Variants in EIF4E2 observed in about 807,000 individuals in gnomAD.
EIF4E2 encodes the protein eukaryotic translation initiation factor 4E family member 2, also known as eukaryotic translation initiation factor 4E type 2.
A neutral mutation model predicts 34.2 loss-of-function variants in EIF4E2; 13 were observed. That is an observed-to-expected ratio of 0.38 (90% CI 0.25 to 0.60). The LOEUF is 0.60. EIF4E2 is among the 20% of genes least tolerant of loss of function. The pLI is 0.62. For synonymous variants in EIF4E2, 100 were observed against 106.6 expected, an observed-to-expected ratio of 0.94 and a Z score of 0.38; for missense variants, 222 against 315.1, an observed-to-expected ratio of 0.70 and a Z score of 2.24.
downstream of EIF4E2, among the ~76,000 whole-genome samples, chr2:232,571,522 A>C (rs1182661426): frequency 6.6e-6 from 1 of 152,200 alleles, no homozygotes; most frequent in Non-Finnish European, 1.5e-5. Context: ...AGTCCCACTG[A>C]TTCCTTTTGT....
intron 6 of EIF4E2, chr2:232,574,287 G>A: frequency 1.3e-6 from 2 of 1,550,542 alleles, no homozygotes; most frequent in Non-Finnish European, 1.7e-6. Flanking sequence ...TTCATGGCCT[G>A]GTGAACAGCA....
intron 6 of EIF4E2, among the ~76,000 whole-genome samples, chr2:232,575,157 A>G (rs1264135942): frequency 6.6e-6 from 1 of 152,230 alleles, no homozygotes; most frequent in Non-Finnish European, 1.5e-5. Context: ...TTGGAACAGA[A>G]CATGTCAACT....
At chr2:232,559,237 T>C (rs1473377500) in intron 3 of EIF4E2, among the ~76,000 whole-genome samples, 4 of 135,072 alleles carry the variant, frequency 3.0e-5, no homozygotes, top group African/African-American at 5.9e-5. Context: ...AAAAAAAGAA[T>C]GATTCAGTGT....
In EIF4E2 at chr2:232,564,299, C is replaced by G; in HGVS notation, c.323C>G (p.Thr108Arg). ...YSHMVRPGDL[T>R]GHSDFHLFKE... is the part of the protein sequence containing the mutation. ...CACATGGTACGTCCTGGGGACCTGACAGGCCACAGTGACTTCCATCTCTTC... is the reference window on the plus strand; with the variant it reads ...CACATGGTACGTCCTGGGGACCTGAGAGGCCACAGTGACTTCCATCTCTTC... The change falls in exon 4 of 7, where the codon ACA becomes AGA. Residue 108 changes from threonine (T) to arginine (R), a missense_variant. Physicochemically the swap from Thr to Arg is moderately conservative, Grantham distance 71. This residue lies in a region of EIF4E2 where 105 missense variants were observed against 195.1 expected (regional missense o/e 0.54). Transcript: ENST00000258416. 2 of 1,598,012 alleles carry G rather than the reference C, an allele frequency of 1.3e-6. No homozygotes were observed. The highest frequency in any genetic ancestry group is 1.7e-6 in the Non-Finnish European group (2 of 1,171,024).
At chr2:232,567,685 C>G (rs1692983604) in intron 6 of EIF4E2, 1 of 1,008,272 alleles carries the variant, frequency 9.9e-7, no homozygotes, top group Non-Finnish European at 1.2e-6. Context: ...GTGTATAGAG[C>G]TGACTCTTAG....
downstream of EIF4E2, among the ~76,000 whole-genome samples, chr2:232,570,291 T>A (rs1347210504): frequency 6.6e-6 from 1 of 152,180 alleles, no homozygotes; most frequent in African/African-American, 2.4e-5. Flanking sequence ...TTATTACATA[T>A]CCAAAATTGG....
At chr2:232,551,795 A>T (rs537946900) in intron 1 of EIF4E2, among the ~76,000 whole-genome samples, 1 of 152,324 alleles carries the variant, frequency 6.6e-6, no homozygotes, top group South Asian at 2.1e-4. Flanking sequence ...TGTTTCCAAT[A>T]CAGAGAGTAC....
At chr2:232,574,123 T>A, downstream of EIF4E2, 1 of 873,378 alleles carries the variant, frequency 1.1e-6, no homozygotes, top group Non-Finnish European at 1.9e-6. Flanking sequence ...GGGACCTCGC[T>A]GCTCTGCTCC....
intron 3 of EIF4E2, among the ~76,000 whole-genome samples, chr2:232,560,332 C>A (rs1004095554): frequency 6.6e-6 from 1 of 152,124 alleles, no homozygotes; most frequent in African/African-American, 2.4e-5. Flanking sequence ...TTCCTGACAC[C>A]ATACACAAAA....
rs191815992 is a variant in EIF4E2 at position 232,553,526 on chromosome 2, G to A, written c.20+2782G>A. Among the ~76,000 whole-genome samples the A allele has an allele frequency of 5.9e-3, 896 of 152,282 alleles. 8 individuals are homozygous for A. The highest frequency in any genetic ancestry group is 0.021 in the African/African-American group (854 of 41,544). The stretch of plus-strand genomic sequence containing the variant: ...GTTCAGAGGGTGAGGAAATACGTGG[G>A]CAGAAGCTTAGCAAGCTAACTAAAG... On this transcript the variant is annotated intron_variant, in intron 1 of 6. Coordinates refer to ENST00000258416, the MANE Select transcript of EIF4E2 (RefSeq NM_004846.4).
intron 4 of EIF4E2, among the ~76,000 whole-genome samples, chr2:232,565,212 T>C (rs758687581): frequency 1.3e-5 from 2 of 152,194 alleles, no homozygotes; most frequent in Non-Finnish European, 2.9e-5. Context: ...AAGCCTCATC[T>C]CCCATCATCT....
intron 6 of EIF4E2, among the ~76,000 whole-genome samples, chr2:232,575,641 A>G (rs1693193683): frequency 6.6e-6 from 1 of 152,232 alleles, no homozygotes; most frequent in African/African-American, 2.4e-5. Context: ...GTGTCTGTAT[A>G]TATAGTCAAC....
intron 6 of EIF4E2, among the ~76,000 whole-genome samples, chr2:232,576,675 TC>T (rs1418571436): frequency 6.6e-6 from 1 of 152,222 alleles, no homozygotes; most frequent in Non-Finnish European, 1.5e-5. Context: ...TCCACTCACT[TC>T]ATTGTCTTAA....
intron 3 of EIF4E2, among the ~76,000 whole-genome samples, chr2:232,561,451 C>T (rs911128348): frequency 1.3e-5 from 2 of 152,110 alleles, no homozygotes; most frequent in African/African-American, 4.8e-5. Context: ...CATCCATGCT[C>T]ACTGGATGTG....
intron 6 of EIF4E2, among the ~76,000 whole-genome samples, chr2:232,579,714 A>G (rs778603884): frequency 1.3e-5 from 2 of 152,152 alleles, no homozygotes; most frequent in African/African-American, 4.8e-5. Context: ...TAATCCCAGC[A>G]TTTTGGGAGA....
chr2:232,574,230 G>T (rs181190571), intron 6 of EIF4E2: 1 of 1,545,372 alleles, frequency 6.5e-7, no homozygotes, highest in South Asian at 1.2e-5. Flanking sequence ...TGATCTGAAT[G>T]TGCTATTGTG....
In EIF4E2 at chr2:232,580,185, T is replaced by TTA. The variant is rs1693316211; in HGVS notation, c.666-718_666-717dup. Among the ~76,000 whole-genome samples the TTA allele has an allele frequency of 2.0e-5, 3 of 152,034 alleles. No homozygotes were observed. In the South Asian group the frequency reaches 6.2e-4, roughly 32 times the overall value. ...AAGTAAAGTGAAAGGTACCCAGATT[T>TTA]TACTTCCTGGAATATCCTTTCCTTC... On this transcript the variant is annotated intron_variant, in intron 6 of 6. Coordinates refer to the EIF4E2 transcript ENST00000409098.
intron 6 of EIF4E2, among the ~76,000 whole-genome samples, chr2:232,580,535 T>C (rs1245418436): frequency 6.6e-6 from 1 of 152,200 alleles, no homozygotes; most frequent in Non-Finnish European, 1.5e-5. Flanking sequence ...ACACAGAAGG[T>C]AGTATACCGT....
downstream of EIF4E2, among the ~76,000 whole-genome samples, chr2:232,570,542 T>C (rs1399726339): frequency 6.6e-6 from 1 of 152,208 alleles, no homozygotes; most frequent in Non-Finnish European, 1.5e-5. Context: ...TTCTGATCCT[T>C]GTCAATATGA....
Sources: gnomAD v4.1 joint callset for allele counts (sites outside exome capture counted in the v4.1 genomes callset) on GRCh38, gnomAD v4.1.1 for gene constraint, gnomAD v4.1.1 regional missense constraint, MANE v1.5 for transcripts, NCBI Gene and HGNC (gene_info 2026-07-23, HGNC 2026-07-21) for gene names.